Variants in THSD4 observed in about 807,000 individuals in gnomAD.
THSD4 encodes the protein thrombospondin type 1 domain containing 4.
Under a neutral mutation model 119.0 loss-of-function variants are expected in THSD4, and 69 were observed. The ratio of observed to expected loss-of-function variants is 0.58; its 90% CI spans 0.48 to 0.71. The LOEUF (loss-of-function observed/expected upper bound fraction) is 0.71. Among genes scored for constraint, THSD4 ranks in the 30% least tolerant of loss-of-function variants. The pLI is 0.00. For synonymous variants in THSD4, 524 were observed against 540.4 expected (o/e 0.97, Z 0.42); for missense variants, 1,393 against 1,391.1 (o/e 1.00, Z -0.02).
chr15:71,774,681 G>T (rs1567147094), intron 17 of THSD4, among the ~76,000 whole-genome samples: 1 of 152,040 alleles, frequency 6.6e-6, no homozygotes, highest in Non-Finnish European at 1.5e-5. Flanking sequence ...GGACGCAGAG[G>T]CAGGAGGATC....
intron 3 of THSD4, chr15:71,187,626 T>C (rs925103478): frequency 1.3e-5 from 2 of 152,638 alleles, no homozygotes; most frequent in African/African-American, 4.8e-5. Context: ...TAGCTGACCA[T>C]GAGTAGATAT....
At chr15:71,220,936 AG>A (rs2043970636) in intron 4 of THSD4, among the ~76,000 whole-genome samples, 1 of 152,112 alleles carries the variant, frequency 6.6e-6, no homozygotes, top group Non-Finnish European at 1.5e-5. Context: ...CAGCCTGGGG[AG>A]GTTCCAGGCT....
At chr15:71,732,782 A>AT (rs2053006623) in intron 10 of THSD4, 1 of 152,218 alleles carries the variant, frequency 6.6e-6, no homozygotes, top group South Asian at 2.1e-4. Flanking sequence ...TGTGCTTGTT[A>AT]TATCACTGAG....
At chr15:71,511,713 A>G (rs1282271694) in intron 7 of THSD4, among the ~76,000 whole-genome samples, 5 of 152,166 alleles carry the variant, frequency 3.3e-5, no homozygotes, top group Non-Finnish European at 5.9e-5. Context: ...ATTTCTTGTC[A>G]TATTTTATAC....
chr15:71,718,319 G>A (rs1316322157), intron 8 of THSD4, among the ~76,000 whole-genome samples: 1 of 152,128 alleles, frequency 6.6e-6, no homozygotes, highest in African/African-American at 2.4e-5. Flanking sequence ...TTAGCCTCCT[G>A]GAATTCCTTC....
chr15:71,215,147 G>A lies in THSD4; in HGVS notation c.212G>A (p.Gly71Asp). ...TCGGCCTGCTCGCGTAGCTGCAGCGGCGGCGTGATGGAGCAGACGCGGCCC... is the reference window on the plus strand; with the variant it reads ...TCGGCCTGCTCGCGTAGCTGCAGCGACGGCGTGATGGAGCAGACGCGGCCC... ...PWSACSRSCS[G>D]GVMEQTRPCL... Residue 71 changes from glycine to aspartate, a missense_variant, in exon 4 of 18, where the codon GGC becomes GAC. Coordinates refer to ENST00000261862, the MANE Select transcript of THSD4 (RefSeq NM_024817.3). The A allele has an allele frequency of 7.3e-7, 1 of 1,372,636 alleles. No homozygotes were observed. Among genetic ancestry groups the A allele is most frequent in the Non-Finnish European group, 9.4e-7 (1 of 1,059,738 alleles). The allele number at this position is 1,372,636 out of a possible 1,614,324, so 85.0% of individuals were successfully genotyped here. A position where few individuals can be genotyped will look rare whatever the true frequency, so the allele number is the denominator to read the frequency against.
chr15:71,135,374 A>G (rs1425492163), intron 1 of THSD4, among the ~76,000 whole-genome samples: 1 of 145,254 alleles, frequency 6.9e-6, no homozygotes, highest in Non-Finnish European at 1.5e-5. Flanking sequence ...AAAAAAAAAA[A>G]AGAAACTTAC....
chr15:71,195,247 G>A (rs1280336537), intron 3 of THSD4, among the ~76,000 whole-genome samples: 1 of 152,178 alleles, frequency 6.6e-6, no homozygotes, highest in African/African-American at 2.4e-5. Flanking sequence ...AATATTAAAA[G>A]AGGATGAAGT....
intron 7 of THSD4, among the ~76,000 whole-genome samples, chr15:71,552,597 G>A (rs535307457): frequency 6.5e-4 from 99 of 152,298 alleles, no homozygotes; most frequent in South Asian, 3.5e-3. Context: ...TTTGAGCTTT[G>A]GGTCAATCAC....
intron 7 of THSD4, among the ~76,000 whole-genome samples, chr15:71,438,738 C>A (rs1341738903): frequency 6.6e-6 from 1 of 152,144 alleles, no homozygotes; most frequent in South Asian, 2.1e-4. Flanking sequence ...TTAGAACATA[C>A]ATTTCGAAAA....
At chr15:71,215,484 T>G (rs1267568669) in intron 4 of THSD4, 85 bp downstream of exon 4, 1 of 1,328,474 alleles carries the variant, frequency 7.5e-7, no homozygotes, top group Admixed American at 2.8e-5. Flanking sequence ...CACGCTGCTC[T>G]GCACCACAGA....
intron 5 of THSD4, among the ~76,000 whole-genome samples, chr15:71,254,275 C>T (rs577133098): frequency 2.6e-5 from 4 of 152,336 alleles, no homozygotes; most frequent in Admixed American, 6.5e-5. Context: ...CTGGGCTCTG[C>T]TTCTGTGTCA....
intron 3 of THSD4, among the ~76,000 whole-genome samples, chr15:71,212,977 C>A (rs1297181731): frequency 1.3e-5 from 2 of 152,206 alleles, no homozygotes; most frequent in African/African-American, 4.8e-5. Context: ...TGCCCATTTT[C>A]CTTCCTTGTT....
At chr15:71,341,944 A>C (rs1409218322) in intron 6 of THSD4, among the ~76,000 whole-genome samples, 1 of 152,144 alleles carries the variant, frequency 6.6e-6, no homozygotes, top group Non-Finnish European at 1.5e-5. Flanking sequence ...AAACAATCCA[A>C]TTGAAAGCCA....
At chr15:71,279,573 A>G (rs2044628321) in intron 6 of THSD4, among the ~76,000 whole-genome samples, 2 of 152,138 alleles carry the variant, frequency 1.3e-5, no homozygotes, top group Non-Finnish European at 2.9e-5. Flanking sequence ...TGGCATCTCC[A>G]GGAGGGAAGT....
intron 7 of THSD4, among the ~76,000 whole-genome samples, chr15:71,548,668 G>A (rs1432699610): frequency 6.6e-6 from 1 of 152,206 alleles, no homozygotes; most frequent in Non-Finnish European, 1.5e-5. Context: ...ATGGGAGCAG[G>A]AGGAACTGAA....
intron 6 of THSD4, among the ~76,000 whole-genome samples, chr15:71,262,248 A>G (rs1239765595): frequency 6.6e-6 from 1 of 152,158 alleles, no homozygotes; most frequent in Non-Finnish European, 1.5e-5. Context: ...ATCCTTAGAT[A>G]ATGCCTCCAG....
chr15:71,653,805 T>G (rs1485810118), intron 7 of THSD4, among the ~76,000 whole-genome samples: 1 of 152,224 alleles, frequency 6.6e-6, no homozygotes, highest in Admixed American at 6.5e-5. Context: ...AGAAGACAAC[T>G]CTCTGCCTTC....
At chr15:71,719,013 A>G (rs1013201465) in intron 8 of THSD4, among the ~76,000 whole-genome samples, 1 of 152,248 alleles carries the variant, frequency 6.6e-6, no homozygotes, top group African/African-American at 2.4e-5. Flanking sequence ...TCAATTTCAT[A>G]CAACATTATT....
Sources: gnomAD v4.1 joint callset for allele counts (sites outside exome capture counted in the v4.1 genomes callset) on GRCh38, gnomAD v4.1.1 for gene constraint, MANE v1.5 for transcripts, NCBI Gene and HGNC (gene_info 2026-07-23, HGNC 2026-07-21) for gene names.